Variants in VTI1A observed in about 807,000 individuals in gnomAD.
VTI1A encodes the protein vesicle transport through interaction with t-SNAREs homolog 1A.
Under a neutral mutation model 34.9 loss-of-function variants are expected in VTI1A, and 22 were observed. The observed-to-expected ratio is 0.63, with a 90% confidence interval of 0.45 to 0.90. The LOEUF (loss-of-function observed/expected upper bound fraction) is 0.90, where lower values mean the gene tolerates loss of function less well. VTI1A is among the 40% of genes least tolerant of loss of function. The pLI is 0.00. For missense variants in VTI1A, 268 were observed against 275.6 expected (o/e 0.97, Z 0.20); for synonymous variants, 87 against 97.3 (o/e 0.89, Z 0.62).
chr10:112,714,378 T>G (rs1849533478), intron 7 of VTI1A, among the ~76,000 whole-genome samples: 1 of 152,184 alleles, frequency 6.6e-6, no homozygotes, highest in African/African-American at 2.4e-5. Context: ...TTTATAAACT[T>G]GTTGGCTTAT....
intron 5 of VTI1A, among the ~76,000 whole-genome samples, chr10:112,622,821 G>A (rs992527999): frequency 1.9e-4 from 29 of 152,340 alleles, no homozygotes; most frequent in African/African-American, 6.7e-4. Context: ...GAAAGTTGAA[G>A]CTATGTAAAT....
Position 112,538,236 on chromosome 10 carries a change from T to G in VTI1A, c.343-10T>G. 1 of 1,610,634 alleles carries G rather than the reference T, an allele frequency of 6.2e-7. No homozygotes were observed. The highest frequency in any genetic ancestry group is 8.5e-7 in the Non-Finnish European group (1 of 1,178,814). ...CGTCTGATTTTTTTTTCCCCCTTTT[T>G]CTTTTTCAGAGGGCACATCTGCTCG... On this transcript the variant is annotated splice_polypyrimidine_tract_variant and intron_variant, in intron 4 of 7. Coordinates refer to ENST00000393077, the MANE Select transcript of VTI1A (RefSeq NM_145206.4).
intron 7 of VTI1A, among the ~76,000 whole-genome samples, chr10:112,712,478 A>T (rs992899763): frequency 0.017 from 2,074 of 123,052 alleles, 45 homozygotes; most frequent in African/African-American, 0.057. Context: ...CTATTATCAC[A>T]CACACACACA....
intron 7 of VTI1A, among the ~76,000 whole-genome samples, chr10:112,741,586 G>A (rs1850697066): frequency 6.6e-6 from 1 of 152,144 alleles, no homozygotes; most frequent in African/African-American, 2.4e-5. Flanking sequence ...TGGGTGAATT[G>A]CATGGTATGT....
the VTI1A span, among the ~76,000 whole-genome samples, chr10:112,836,866 C>T: frequency 6.6e-6 from 1 of 152,166 alleles, no homozygotes; most frequent in Admixed American, 6.5e-5. Context: ...GTCGTTTCTA[C>T]CTCAAGGTAA....
intron 7 of VTI1A, among the ~76,000 whole-genome samples, chr10:112,813,475 T>C (rs1853391256): frequency 6.6e-6 from 1 of 152,214 alleles, no homozygotes. Context: ...GCAAGTCTGA[T>C]GCGGGTGACT....
At chr10:112,452,878 T>TA (rs945261711) in intron 1 of VTI1A, among the ~76,000 whole-genome samples, 1 of 152,188 alleles carries the variant, frequency 6.6e-6, no homozygotes, top group African/African-American at 2.4e-5. Flanking sequence ...GTACATTTGT[T>TA]ACAGCTAGTG....
At chr10:112,462,793 G>A (rs1023216844) in intron 2 of VTI1A, among the ~76,000 whole-genome samples, 15 of 152,298 alleles carry the variant, frequency 9.8e-5, no homozygotes, top group Admixed American at 5.9e-4. Context: ...GTAGGGTTCC[G>A]GAAGGAACTT....
At chr10:112,494,326 TA>T (rs1404784979) in intron 3 of VTI1A, among the ~76,000 whole-genome samples, 5 of 152,168 alleles carry the variant, frequency 3.3e-5, no homozygotes, top group Non-Finnish European at 5.9e-5. Context: ...TTTTGTGTCT[TA>T]AAAACAACTT....
At chr10:112,478,267 A>ATG (rs918624797) in intron 3 of VTI1A, among the ~76,000 whole-genome samples, 19 of 150,688 alleles carry the variant, frequency 1.3e-4, no homozygotes, top group African/African-American at 4.4e-4. Context: ...GGCCTTGGAC[A>ATG]TGTGGCATAT....
chr10:112,550,685 T>G (rs1217127385), intron 5 of VTI1A, among the ~76,000 whole-genome samples: 1 of 152,196 alleles, frequency 6.6e-6, no homozygotes, highest in Admixed American at 6.5e-5. Context: ...ATCATTCACA[T>G]ATGGCACTGT....
At chr10:112,643,335 T>C (rs1846655542) in intron 5 of VTI1A, among the ~76,000 whole-genome samples, 1 of 152,020 alleles carries the variant, frequency 6.6e-6, no homozygotes, top group South Asian at 2.1e-4. Context: ...TATATTAAAT[T>C]TTGAGACATA....
At chr10:112,836,252 A>T in the VTI1A span, among the ~76,000 whole-genome samples, 1 of 152,190 alleles carries the variant, frequency 6.6e-6, no homozygotes, top group Non-Finnish European at 1.5e-5. Context: ...ATGAAATGAA[A>T]CTAAGTCTTT....
At chr10:112,532,266 T>C (rs1188571922) in intron 4 of VTI1A, among the ~76,000 whole-genome samples, 3 of 152,198 alleles carry the variant, frequency 2.0e-5, no homozygotes, top group Admixed American at 6.5e-5. Context: ...CAGAGACTTA[T>C]AGTGAACAAT....
At chr10:112,554,793 C>G (rs755805579) in intron 5 of VTI1A, among the ~76,000 whole-genome samples, 24 of 152,102 alleles carry the variant, frequency 1.6e-4, no homozygotes, top group Non-Finnish European at 2.1e-4. Flanking sequence ...TTTCCTCCCA[C>G]TCTCTACCTC....
intron 3 of VTI1A, among the ~76,000 whole-genome samples, chr10:112,477,230 A>G (rs979746978): frequency 6.6e-6 from 1 of 152,232 alleles, no homozygotes; most frequent in African/African-American, 2.4e-5. Context: ...GTAAAAACAA[A>G]TAACAACTGT....
At chr10:112,703,685 C>T (rs762754940) in intron 7 of VTI1A, among the ~76,000 whole-genome samples, 14 of 151,940 alleles carry the variant, frequency 9.2e-5, no homozygotes, top group Non-Finnish European at 2.1e-4. Context: ...GAAAATGAAA[C>T]ATCACATATA....
At chr10:112,843,103 G>A in the VTI1A span, among the ~76,000 whole-genome samples, 1 of 152,202 alleles carries the variant, frequency 6.6e-6, no homozygotes, top group South Asian at 2.1e-4. Context: ...TTTACCCATG[G>A]GTCAAGCTGC....
chr10:112,481,608 C>G (rs562228124), intron 3 of VTI1A, among the ~76,000 whole-genome samples: 1 of 151,740 alleles, frequency 6.6e-6, no homozygotes, highest in Non-Finnish European at 1.5e-5. Context: ...TTTTCTTCAC[C>G]CTGTGAAGTC....
Sources: allele counts gnomAD v4.1 joint callset (sites outside exome capture counted in the v4.1 genomes callset), GRCh38; gene constraint gnomAD v4.1.1; transcripts MANE v1.5; gene names NCBI Gene and HGNC (gene_info 2026-07-23, HGNC 2026-07-21).